ADAMTSL1: variants seen among roughly 807,000 people sequenced by gnomAD.
ADAMTSL1 encodes the protein ADAMTS-like protein 1.
ADAMTSL1 carries 126 observed loss-of-function variants against 201.8 expected under a neutral mutation model. The ratio of observed to expected loss-of-function variants is 0.62; its 90% CI spans 0.54 to 0.72. The LOEUF (loss-of-function observed/expected upper bound fraction) is 0.72. ADAMTSL1 is among the 30% of genes least tolerant of loss of function. The pLI, the probability that ADAMTSL1 is intolerant of heterozygous loss-of-function variation, is 0.00. For missense variants in ADAMTSL1, 2,679 were observed against 2,277.8 expected, an observed-to-expected ratio of 1.18 and a Z score of -3.59; for synonymous variants, 1,121 against 903.4, an observed-to-expected ratio of 1.24 and a Z score of -4.32.
intron 1 of ADAMTSL1, among the ~76,000 whole-genome samples, chr9:17,956,916 C>T (rs1048296658): frequency 6.6e-6 from 1 of 152,144 alleles, no homozygotes. Context: ...ATTTCATTCA[C>T]TGCTGTTCTT....
rs895462088 is a variant in ADAMTSL1 at position 18,910,825 on chromosome 9, T to G, written c.*2277T>G. ...GTACATTTAATGTTTGTTCTGTGAA[T>G]TGCAACTCAGCAGCACCACAAGACA... On this transcript the variant is annotated 3_prime_UTR_variant, in exon 29 of 29. Coordinates refer to ENST00000380548, the MANE Select transcript of ADAMTSL1 (RefSeq NM_001040272.6). 14 of 152,216 alleles carry G rather than the reference T, an allele frequency of 9.2e-5. No individual in the cohort carries two copies. Among genetic ancestry groups the G allele is most frequent in the African/African-American group, 2.9e-4 (12 of 41,446 alleles). The allele number at this position is 152,216 out of a possible 1,614,324, so 9.4% of individuals were successfully genotyped here.
intron 1 of ADAMTSL1, among the ~76,000 whole-genome samples, chr9:18,106,827 A>T (rs1296647879): frequency 6.6e-6 from 1 of 152,208 alleles, no homozygotes; most frequent in African/African-American, 2.4e-5. Context: ...AGCAGGAAAA[A>T]TGGTCTAAGT....
chr9:18,283,246 T>A (rs1832861407), intron 2 of ADAMTSL1, among the ~76,000 whole-genome samples: 1 of 152,202 alleles, frequency 6.6e-6, no homozygotes, highest in South Asian at 2.1e-4. Flanking sequence ...TTGTCTGATA[T>A]TAATATCATC....
intron 9 of ADAMTSL1, among the ~76,000 whole-genome samples, chr9:18,673,155 G>A (rs529013599): frequency 5.9e-5 from 9 of 151,948 alleles, no homozygotes; most frequent in African/African-American, 2.2e-4. Flanking sequence ...CACCCACATC[G>A]AGACCTAAAC....
rs1335825552 is a variant in ADAMTSL1, at chr9:18,751,883, G to A, written c.2007-1415G>A. Reference sequence around the variant, plus strand: ...AGGCGGGCGGATCACGAGGTCGGGAGATCGAGGCCATCCCGGCTAAAACGG... The same window carrying A: ...AGGCGGGCGGATCACGAGGTCGGGAAATCGAGGCCATCCCGGCTAAAACGG... On this transcript the variant is annotated intron_variant, in intron 15 of 28. Coordinates refer to ENST00000380548, the MANE Select transcript of ADAMTSL1 (RefSeq NM_001040272.6). 1.3e-3 allele frequency among the ~76,000 whole-genome samples: 4 copies of A among 2,986 alleles called. 2 individuals are homozygous for A. Among genetic ancestry groups the A allele is most frequent in the African/African-American group, 5.6e-3 (4 of 720 alleles). 2.0% of individuals were successfully genotyped at this position (2,986 alleles called of 152,430 possible).
intron 16 of ADAMTSL1, among the ~76,000 whole-genome samples, chr9:18,759,896 A>G (rs1211362853): frequency 6.6e-6 from 1 of 152,174 alleles, no homozygotes; most frequent in Non-Finnish European, 1.5e-5. Flanking sequence ...TTTAATAATT[A>G]TGTTTAGTAA....
At chr9:18,511,510 G>A (rs1408712714) in intron 2 of ADAMTSL1, among the ~76,000 whole-genome samples, 3 of 152,026 alleles carry the variant, frequency 2.0e-5, no homozygotes, top group African/African-American at 7.2e-5. Flanking sequence ...TCACACAAGA[G>A]GTGCCTAAAA....
chr9:18,149,615 C>G (rs1385330304), intron 1 of ADAMTSL1, among the ~76,000 whole-genome samples: 1 of 151,964 alleles, frequency 6.6e-6, no homozygotes, highest in Admixed American at 6.6e-5. Flanking sequence ...ATGAGATTCC[C>G]CATTGACATA....
intron 2 of ADAMTSL1, among the ~76,000 whole-genome samples, chr9:18,354,368 G>A (rs1347638198): frequency 1.3e-5 from 2 of 151,950 alleles, no homozygotes; most frequent in Non-Finnish European, 2.9e-5. Context: ...TTGTTAGATA[G>A]GTTTTTAAAC....
At chr9:17,946,501 A>T (rs904975361) in intron 1 of ADAMTSL1, among the ~76,000 whole-genome samples, 1 of 152,064 alleles carries the variant, frequency 6.6e-6, no homozygotes, top group African/African-American at 2.4e-5. Context: ...TGTAAGAAAG[A>T]TCTCTTTATG....
chr9:18,495,794 A>C (rs1464265554), intron 1 of ADAMTSL1, among the ~76,000 whole-genome samples: 1 of 152,162 alleles, frequency 6.6e-6, no homozygotes, highest in Non-Finnish European at 1.5e-5. Context: ...TTTGAGCTGG[A>C]GAACAGAAGA....
At chr9:18,718,474 A>C in intron 14 of ADAMTSL1, 5 of 587,460 alleles carry the variant, frequency 8.5e-6, no homozygotes, top group Admixed American at 1.9e-5. Flanking sequence ...GTACATTCAA[A>C]GCAGACTTTC....
chr9:18,711,504 G>A (rs1031902035), intron 14 of ADAMTSL1, among the ~76,000 whole-genome samples: 41 of 152,346 alleles, frequency 2.7e-4, no homozygotes, highest in Admixed American at 1.8e-3. Flanking sequence ...CTGGAAAATC[G>A]GGTCACTCCC....
chr9:18,501,857 C>T (rs1165776580), intron 1 of ADAMTSL1, among the ~76,000 whole-genome samples: 1 of 152,134 alleles, frequency 6.6e-6, no homozygotes, highest in East Asian at 1.9e-4. Flanking sequence ...TCAGAGACAT[C>T]GTGGGCACTT....
At chr9:18,640,619 G>GT (rs775403424) in intron 7 of ADAMTSL1, among the ~76,000 whole-genome samples, 16 of 152,106 alleles carry the variant, frequency 1.1e-4, no homozygotes, top group Admixed American at 9.2e-4. Flanking sequence ...ACATGCGTAA[G>GT]TTTAACTTGA....
intron 27 of ADAMTSL1, 21 bp from the exon 28 acceptor site, chr9:18,906,671 C>T (rs929710244): frequency 1.3e-6 from 2 of 1,543,488 alleles, no homozygotes; most frequent in Non-Finnish European, 8.8e-7. Context: ...AAACCTTAAC[C>T]CTGCCACCAT....
At chr9:18,672,878 A>G (rs1220229600) in intron 9 of ADAMTSL1, among the ~76,000 whole-genome samples, 2 of 142,014 alleles carry the variant, frequency 1.4e-5, no homozygotes, top group African/African-American at 2.5e-5. Flanking sequence ...TCACTTGCTC[A>G]TGCTCACCTT....
chr9:18,078,528 A>G (rs1823330779), intron 1 of ADAMTSL1, among the ~76,000 whole-genome samples: 1 of 152,164 alleles, frequency 6.6e-6, no homozygotes, highest in African/African-American at 2.4e-5. Flanking sequence ...GGGAGAGAGG[A>G]GAGGAAAGAG....
Position 18,639,236 on chromosome 9 carries a change from A to C in ADAMTSL1, c.677-18A>C, listed in dbSNP as rs1827291481. ...CTAGGAACATCTTTCTCTCATCTTC[A>C]CGTGTTTGATCATATAGATCTGGAA... On this transcript the variant is annotated intron_variant, in intron 6 of 28. Coordinates refer to ENST00000380548, the MANE Select transcript of ADAMTSL1 (RefSeq NM_001040272.6). 5 of 1,611,724 alleles carry C rather than the reference A, an allele frequency of 3.1e-6. No homozygotes were observed. The highest frequency in any genetic ancestry group is 4.2e-6 in the Non-Finnish European group (5 of 1,178,612).
Sources: allele counts gnomAD v4.1 joint callset (sites outside exome capture counted in the v4.1 genomes callset), GRCh38; gene constraint gnomAD v4.1.1; transcripts MANE v1.5; gene names NCBI Gene and HGNC (gene_info 2026-07-23, HGNC 2026-07-21).